Variants in NPFFR2 observed in about 807,000 individuals in gnomAD.
NPFFR2 encodes G-protein coupled receptor 74.
A neutral mutation model predicts 13.1 loss-of-function variants in NPFFR2; 15 were observed. That is an observed-to-expected ratio of 1.15 (90% CI 0.77 to 1.76). NPFFR2 has a LOEUF of 1.76. NPFFR2 is among the 40% of genes most tolerant of loss of function. The probability of loss-of-function intolerance (pLI) is 0.00; values close to 1 mark genes in which losing one functional copy is unlikely to be tolerated. For missense variants in NPFFR2, 572 were observed against 503.5 expected, an observed-to-expected ratio of 1.14 and a Z score of -1.30; for synonymous variants, 190 against 175.7, an observed-to-expected ratio of 1.08 and a Z score of -0.65.
chr4:72,038,901 C>CT (rs34623356), intron 1 of NPFFR2, among the ~76,000 whole-genome samples: 16,402 of 84,704 alleles, frequency 0.19, 2,697 homozygotes, highest in Admixed American at 0.27. Context: ...TTTAAATTTC[C>CT]TTTCTTTTTT....
intron 1 of NPFFR2, among the ~76,000 whole-genome samples, chr4:72,092,899 C>T (rs904403521): frequency 6.6e-6 from 1 of 151,854 alleles, no homozygotes; most frequent in Non-Finnish European, 1.5e-5. Flanking sequence ...GCTTGAATAC[C>T]TTCTTTTCAT....
intron 1 of NPFFR2, among the ~76,000 whole-genome samples, chr4:72,113,160 G>T (rs1324821260): frequency 1.3e-5 from 2 of 152,076 alleles, no homozygotes; most frequent in Admixed American, 6.6e-5. Context: ...ACTTTGTGAA[G>T]AAGTGGGACA....
chr4:72,032,788 A>C (rs1468471123), intron 1 of NPFFR2, among the ~76,000 whole-genome samples: 1 of 152,152 alleles, frequency 6.6e-6, no homozygotes, highest in Non-Finnish European at 1.5e-5. Flanking sequence ...GGCATTTTCC[A>C]ACAGTGCCGC....
At chr4:72,115,769 C>A (rs995811047) in intron 1 of NPFFR2, among the ~76,000 whole-genome samples, 3 of 152,142 alleles carry the variant, frequency 2.0e-5, no homozygotes, top group African/African-American at 7.2e-5. Flanking sequence ...TTTAAGAGCA[C>A]TCTTCTTTTG....
At chr4:72,094,422 A>C (rs937882663) in intron 1 of NPFFR2, among the ~76,000 whole-genome samples, 5 of 152,064 alleles carry the variant, frequency 3.3e-5, no homozygotes, top group Non-Finnish European at 2.9e-5. Flanking sequence ...CTCCCAGGAG[A>C]CTATGTCCTT....
chr4:72,130,602 A>T (rs562275909), intron 2 of NPFFR2, among the ~76,000 whole-genome samples: 1 of 152,068 alleles, frequency 6.6e-6, no homozygotes, highest in East Asian at 1.9e-4. Context: ...CCTGCTTGGG[A>T]CTGGTGAAGG....
intron 1 of NPFFR2, among the ~76,000 whole-genome samples, chr4:72,055,862 C>G (rs1387129614): frequency 6.6e-6 from 1 of 151,916 alleles, no homozygotes; most frequent in African/African-American, 2.4e-5. Context: ...GAGTCTAATC[C>G]AGAGCAAGGC....
At chr4:72,100,202 T>G (rs1422975784) in intron 1 of NPFFR2, among the ~76,000 whole-genome samples, 4 of 152,144 alleles carry the variant, frequency 2.6e-5, no homozygotes, top group African/African-American at 9.7e-5. Flanking sequence ...AAAGTACGTA[T>G]GATTTGGTCT....
At chr4:72,090,256 T>A (rs780578943) in intron 1 of NPFFR2, among the ~76,000 whole-genome samples, 9 of 152,194 alleles carry the variant, frequency 5.9e-5, no homozygotes, top group Non-Finnish European at 1.0e-4. Context: ...TCAGGTAATG[T>A]GATGCCTCCA....
intron 1 of NPFFR2, among the ~76,000 whole-genome samples, chr4:72,048,461 A>G (rs1419120006): frequency 6.6e-6 from 1 of 152,276 alleles, no homozygotes; most frequent in East Asian, 1.9e-4. Context: ...TTTTCTCACA[A>G]GTGTTAATTT....
chr4:72,076,227 A>C (rs1381140717), intron 1 of NPFFR2, among the ~76,000 whole-genome samples: 1 of 143,360 alleles, frequency 7.0e-6, no homozygotes, highest in Non-Finnish European at 1.5e-5. Context: ...TGGATTAAAA[A>C]AATAAAATGA....
At chr4:72,088,816 CAT>C (rs990979908) in intron 1 of NPFFR2, among the ~76,000 whole-genome samples, 15 of 151,952 alleles carry the variant, frequency 9.9e-5, no homozygotes, top group African/African-American at 3.4e-4. Flanking sequence ...CCTCCCTTGA[CAT>C]GTGGGGAAAA....
At chr4:72,130,661 G>A (rs1360532413) in intron 2 of NPFFR2, among the ~76,000 whole-genome samples, 1 of 152,168 alleles carries the variant, frequency 6.6e-6, no homozygotes, top group Non-Finnish European at 1.5e-5. Context: ...TGTGGGAGGG[G>A]GAGCATGCAG....
At chr4:72,081,809 T>C (rs954062596) in intron 1 of NPFFR2, among the ~76,000 whole-genome samples, 1 of 152,144 alleles carries the variant, frequency 6.6e-6, no homozygotes, top group African/African-American at 2.4e-5. Flanking sequence ...TAACTGTTAG[T>C]TCATCTCCAA....
At chr4:72,067,044 G>C (rs1024755086) in intron 1 of NPFFR2, among the ~76,000 whole-genome samples, 3 of 26,186 alleles carry the variant, frequency 1.1e-4, no homozygotes, top group Admixed American at 3.8e-4. Flanking sequence ...CAACACATGA[G>C]CAACAGTCCT....
Position 72,112,655 on chromosome 4 carries a change from C to G in NPFFR2, c.-7-15930C>G, listed in dbSNP as rs914506427. On this transcript the variant is annotated intron_variant, in intron 1 of 3. Transcript: ENST00000308744. Reference sequence around the variant, plus strand: ...GTTGGTGTTGGTCATTCACACCATGCCTGAAGCATGAAAAGACATATGACA... The same window carrying G: ...GTTGGTGTTGGTCATTCACACCATGGCTGAAGCATGAAAAGACATATGACA... 1.3e-4 allele frequency among the ~76,000 whole-genome samples: 19 copies of G among 151,896 alleles called. 1 individual carries two copies. The highest frequency in any genetic ancestry group is 1.2e-3 in the Admixed American group (18 of 15,244).
At position 72,111,172 on chromosome 4, in the gene NPFFR2, G is replaced by A. The variant is rs185142656; in HGVS notation, c.-7-17413G>A. On this transcript the variant is annotated intron_variant, in intron 1 of 3. Transcript: ENST00000308744. ...TAACTCCTCTTTAATTCTTATGAGA[G>A]GAGAAGCTTTTATAATATAATCAAT... Among the ~76,000 whole-genome samples the A allele has an allele frequency of 2.6e-5, 4 of 151,688 alleles. No individual in the cohort carries two copies. In the East Asian group the frequency reaches 7.8e-4, roughly 29 times the overall value.
intron 1 of NPFFR2, chr4:72,039,542 CATG>C: frequency 3.7e-6 from 1 of 268,772 alleles, no homozygotes; most frequent in South Asian, 1.4e-4. Flanking sequence ...TTTTCTAACT[CATG>C]ATGACCTTGT....
intron 3 of NPFFR2, among the ~76,000 whole-genome samples, chr4:72,141,257 C>G (rs918509202): frequency 1.3e-5 from 2 of 151,638 alleles, no homozygotes; most frequent in East Asian, 3.9e-4. Flanking sequence ...GTCTCTATCT[C>G]CTTCAGTTCT....
Sources: allele counts gnomAD v4.1 joint callset (sites outside exome capture counted in the v4.1 genomes callset), GRCh38; gene constraint gnomAD v4.1.1; transcripts MANE v1.5; gene names NCBI Gene and HGNC (gene_info 2026-07-23, HGNC 2026-07-21).